HECTD4: variants seen among roughly 807,000 people sequenced by gnomAD.
HECTD4 encodes HECT domain E3 ubiquitin protein ligase 4.
In HECTD4, 114 loss-of-function variants were observed where a neutral mutation model predicts 471.5. The ratio of observed to expected loss-of-function variants is 0.24; its 90% CI spans 0.21 to 0.28. The LOEUF (loss-of-function observed/expected upper bound fraction) is 0.28. HECTD4 is among the 10% of genes least tolerant of loss of function. HECTD4 has a pLI of 1.00. For missense variants in HECTD4, 3,866 were observed against 5,651.5 expected, an observed-to-expected ratio of 0.68 and a Z score of 10.13; for synonymous variants, 2,012 against 2,256.0, an observed-to-expected ratio of 0.89 and a Z score of 3.07.
chr12:112,306,868 G>A (rs1226909574), intron 6 of HECTD4, among the ~76,000 whole-genome samples: 2 of 152,186 alleles, frequency 1.3e-5, no homozygotes, highest in African/African-American at 4.8e-5. Flanking sequence ...CCATCAGGAG[G>A]AAAAGACAAA....
In HECTD4 at chr12:112,228,682, T is replaced by C. The variant is rs370525855; in HGVS notation, c.6649A>G (p.Ile2217Val). 4 of 1,610,954 alleles carry C rather than the reference T, an allele frequency of 2.5e-6. No individual in the cohort carries two copies. The highest frequency in any genetic ancestry group is 2.2e-5 in the South Asian group (2 of 90,276). The change falls in exon 42 of 76, where the codon ATT becomes GTT. Residue 2217 changes from isoleucine to valine, a missense_variant. Ile to Val is a conservative substitution (Grantham distance 29). Transcript: ENST00000682272. The surrounding 1 kb of genome is among the most constrained non-coding windows in gnomAD (Gnocchi z 4.9). Reference protein sequence around the residue: ...KTSQASDTLTIPLSRLCVPRS... With the variant: ...KTSQASDTLTVPLSRLCVPRS... ...GGAACACAAAGTCTAGACAATGGAA[T>C]AGTCAATGTGTCTGACGCTTGCGAA... is the stretch of plus-strand genomic sequence containing the variant.
intron 9 of HECTD4, among the ~76,000 whole-genome samples, chr12:112,276,113 A>G (rs915226944): frequency 1.3e-5 from 2 of 152,222 alleles, no homozygotes; most frequent in African/African-American, 4.8e-5. Context: ...AACTAGACTA[A>G]GAGCTGTTAA....
chr12:112,332,540 CAAAAAAAAAAAA>C (rs58503491), intron 1 of HECTD4, among the ~76,000 whole-genome samples: 1 of 63,022 alleles, frequency 1.6e-5, no homozygotes, highest in African/African-American at 5.2e-5. Flanking sequence ...GACTCTGTCT[CAAAAAAAAAAAA>C]AAAAAAAAAG....
In HECTD4 at chr12:112,231,323, CA is replaced by C. The variant is rs2033373158; in HGVS notation, c.6200+189del. 6.8e-5 allele frequency: 41 copies of C among 603,390 alleles called. No individual in the cohort carries two copies. In the South Asian group the frequency reaches 8.1e-4, roughly 12 times the overall value. 37.4% of individuals were successfully genotyped at this position (603,390 alleles called of 1,614,324 possible). A position where few individuals can be genotyped will look rare whatever the true frequency, so the allele number is the denominator to read the frequency against. On this transcript the variant is annotated intron_variant, in intron 39 of 75. Coordinates refer to ENST00000682272, the MANE Select transcript of HECTD4 (RefSeq NM_001388303.1). The stretch of plus-strand genomic sequence containing the variant: ...TCCCTCTATTCTTTCATGACAACCT[CA>C]GATCTACCTGGATGGTCATTACTCC...
chr12:112,323,785 C>T (rs1594043655), intron 1 of HECTD4, among the ~76,000 whole-genome samples: 1 of 150,802 alleles, frequency 6.6e-6, no homozygotes, highest in Non-Finnish European at 1.5e-5. Context: ...AACTACACAC[C>T]TCCCAAAAAA....
intron 18 of HECTD4, 23 bp from the exon 19 acceptor site, chr12:112,259,288 A>T: frequency 6.2e-7 from 1 of 1,613,116 alleles, no homozygotes; most frequent in Non-Finnish European, 8.5e-7. Flanking sequence ...CAAGAAAAAC[A>T]CACAGCCTAA....
intron 62 of HECTD4, among the ~76,000 whole-genome samples, chr12:112,181,011 C>T (rs2031650250): frequency 6.6e-6 from 1 of 151,716 alleles, no homozygotes; most frequent in Non-Finnish European, 1.5e-5. Flanking sequence ...CTTGTAGTCC[C>T]AGCACTTTGG....
chr12:112,228,700 C>T lies in HECTD4; in HGVS notation c.6631G>A (p.Ala2211Thr), dbSNP rs377700063. ...PPIDCRKTSQ[A>T]SDTLTIPLSR... ...AATGGAATAGTCAATGTGTCTGACG[C>T]TTGCGAAGTCTTTCTACAGTCTATG... Residue 2211 changes from alanine to threonine, a missense_variant, in exon 42 of 76, where the codon GCG (alanine) becomes ACG (threonine). Ala to Thr is a moderately conservative substitution (Grantham distance 58). Transcript: ENST00000682272. This position sits in a 1 kb window ranked among gnomAD's most constrained non-coding sequence, Gnocchi z 4.9. 4.5e-5 allele frequency: 72 copies of T among 1,613,388 alleles called. No individual in the cohort carries two copies. Among genetic ancestry groups the T allele is most frequent in the Non-Finnish European group, 5.9e-5 (70 of 1,179,758 alleles).
rs369218186 is a variant in HECTD4 at position 112,210,281 on chromosome 12, G to A, written c.7630-29C>T. On this transcript the variant is annotated intron_variant, in intron 49 of 75. Transcript: ENST00000682272. The stretch of plus-strand genomic sequence containing the variant: ...GAAAGGAGACCAAATGAAGGATTTG[G>A]AAAGACTTACGTTTATTTTTATTTC... The A allele has an allele frequency of 6.2e-6, 10 of 1,603,836 alleles. No individual in the cohort carries two copies. The African/African-American group carries it at 6.7e-5, about 11-fold the overall frequency.
At chr12:112,270,823 T>C (rs2034397507) in intron 11 of HECTD4, among the ~76,000 whole-genome samples, 1 of 152,144 alleles carries the variant, frequency 6.6e-6, no homozygotes, top group Non-Finnish European at 1.5e-5. Context: ...TAAGAAGTGG[T>C]AGAACTGGGA....
intron 1 of HECTD4, among the ~76,000 whole-genome samples, chr12:112,333,522 A>G (rs565273785): frequency 5.3e-5 from 8 of 152,262 alleles, no homozygotes; most frequent in African/African-American, 1.9e-4. Flanking sequence ...AAAATTATCC[A>G]TTTTGAGAAA....
chr12:112,294,389 TAA>T (rs953898888), intron 7 of HECTD4, among the ~76,000 whole-genome samples: 4 of 152,240 alleles, frequency 2.6e-5, no homozygotes, highest in African/African-American at 7.2e-5. Flanking sequence ...CATTATTTCA[TAA>T]AGTTTTTTGC....
At chr12:112,254,256 A>T in intron 21 of HECTD4, 94 bp from the exon 22 acceptor site, 1 of 1,452,870 alleles carries the variant, frequency 6.9e-7, no homozygotes, top group African/African-American at 1.4e-5. Flanking sequence ...TTTAAAATAC[A>T]ATTATAACCA....
chr12:112,308,857 G>C lies in HECTD4; in HGVS notation c.1060C>G (p.Pro354Ala). ...FVYCRNEELE[P>A]GWVAFGSGSL... ...CCGCTGCCAAAAGCCACCCATCCTGGTTCCAACTCCTCGTTCCGGCAGTAC... is the reference window on the plus strand; with the variant it reads ...CCGCTGCCAAAAGCCACCCATCCTGCTTCCAACTCCTCGTTCCGGCAGTAC... The change falls in exon 6 of 76, where the codon CCA becomes GCA. Residue 354 changes from proline (P) to alanine (A), a missense_variant. Physicochemically the swap from Pro to Ala is conservative, Grantham distance 27. This residue lies in a region of HECTD4 where 440 missense variants were observed against 636.0 expected (regional missense o/e 0.69). Coordinates refer to ENST00000682272, the MANE Select transcript of HECTD4 (RefSeq NM_001388303.1). 1.3e-6 allele frequency: 2 copies of C among 1,536,052 alleles called. No individual in the cohort carries two copies. The highest frequency in any genetic ancestry group is 1.7e-6 in the Non-Finnish European group (2 of 1,146,854).
At chr12:112,170,539 G>A in intron 68 of HECTD4, 87 bp from the exon 69 acceptor site, 1 of 1,532,006 alleles carries the variant, frequency 6.5e-7, no homozygotes, top group Non-Finnish European at 8.8e-7. Context: ...GTCCCTGGGT[G>A]TGGCACTCTC....
Position 112,204,542 on chromosome 12 carries a change from G to A in HECTD4, c.8213C>T (p.Thr2738Ile). ...TGCTTCGTCTTTAATGTCTTCAATGGTGGGAAGATAAAGGTCTCTTGGGAT... is the reference window on the plus strand; with the variant it reads ...TGCTTCGTCTTTAATGTCTTCAATGATGGGAAGATAAAGGTCTCTTGGGAT... ...GGIPRDLYLPTIEDIKDEANK... is the reference protein window; with the variant it reads ...GGIPRDLYLPIIEDIKDEANK... The change falls in exon 53 of 76, where the codon ACC (threonine) becomes ATC (isoleucine). Residue 2738 changes from threonine (T) to isoleucine (I), a missense_variant. Around this residue, in one of 16 missense-constraint regions of HECTD4, gnomAD observed 266 missense variants for 441.6 expected, o/e 0.60. Coordinates refer to ENST00000682272, the MANE Select transcript of HECTD4 (RefSeq NM_001388303.1). 1 of 1,613,408 alleles carries A rather than the reference G, an allele frequency of 6.2e-7. No homozygotes were observed. Among genetic ancestry groups the A allele is most frequent in the Non-Finnish European group, 8.5e-7 (1 of 1,179,410 alleles).
chr12:112,332,000 T>C (rs1208074701), intron 1 of HECTD4, among the ~76,000 whole-genome samples: 1 of 152,104 alleles, frequency 6.6e-6, no homozygotes, highest in Non-Finnish European at 1.5e-5. Flanking sequence ...CTGGAAATCA[T>C]GTCACATGAA....
chr12:112,240,452 T>C (rs1340710380), intron 32 of HECTD4, among the ~76,000 whole-genome samples: 5 of 151,996 alleles, frequency 3.3e-5, no homozygotes, highest in African/African-American at 7.2e-5. Context: ...TTCTTTTCTT[T>C]TCTTTTTTTT....
At chr12:112,180,765 C>T (rs966559083) in intron 62 of HECTD4, among the ~76,000 whole-genome samples, 3 of 152,042 alleles carry the variant, frequency 2.0e-5, no homozygotes, top group African/African-American at 7.2e-5. Flanking sequence ...GACCTGACAT[C>T]GACTTTGGGG....
Sources: gnomAD v4.1 joint callset for allele counts (sites outside exome capture counted in the v4.1 genomes callset) on GRCh38, gnomAD v4.1.1 for gene constraint, gnomAD v4.1.1 regional missense constraint, Gnocchi (gnomAD v3.1) non-coding constraint, MANE v1.5 for transcripts, NCBI Gene and HGNC (gene_info 2026-07-23, HGNC 2026-07-21) for gene names.